Variants in STX12 observed in about 807,000 individuals in gnomAD.
STX12 encodes syntaxin 12.
In STX12, 17 loss-of-function variants were observed where a neutral mutation model predicts 42.2. The observed-to-expected ratio is 0.40, with a 90% CI of 0.28 to 0.60. The LOEUF (loss-of-function observed/expected upper bound fraction) is 0.60. Among genes scored for constraint, STX12 ranks in the 20% least tolerant of loss-of-function variants. The pLI, the probability that STX12 is intolerant of heterozygous loss-of-function variation, is 0.39. For missense variants in STX12, 297 were observed against 330.9 expected, an observed-to-expected ratio of 0.90 and a Z score of 0.79; for synonymous variants, 108 against 116.7, an observed-to-expected ratio of 0.93 and a Z score of 0.48.
At chr1:27,816,557 G>A (rs962377083) in intron 6 of STX12, among the ~76,000 whole-genome samples, 1 of 145,462 alleles carries the variant, frequency 6.9e-6, no homozygotes, top group African/African-American at 2.5e-5. Flanking sequence ...TGTAATCCCA[G>A]CATTTTGGGA....
intron 2 of STX12, 149 bp from the exon 3 acceptor site, chr1:27,793,384 A>AT (rs1306839264): frequency 1.3e-5 from 8 of 619,100 alleles, no homozygotes; most frequent in Non-Finnish European, 2.3e-5. Context: ...TATTTCTGGA[A>AT]TTTTGTTGTG....
intron 3 of STX12, among the ~76,000 whole-genome samples, chr1:27,798,741 A>G (rs2088805223): frequency 7.1e-6 from 1 of 141,664 alleles, no homozygotes; most frequent in African/African-American, 2.6e-5. Flanking sequence ...AACTCGTGCC[A>G]CTGCACTCCA....
chr1:27,776,223 A>G (rs1409773885), intron 1 of STX12, among the ~76,000 whole-genome samples: 1 of 152,182 alleles, frequency 6.6e-6, no homozygotes, highest in East Asian at 1.9e-4. Flanking sequence ...ACTGTGTTCC[A>G]GGCAGTATGA....
At chr1:27,817,977 C>A in intron 7 of STX12, 54 bp downstream of exon 7, 1 of 1,475,226 alleles carries the variant, frequency 6.8e-7, no homozygotes, top group Non-Finnish European at 9.5e-7. Context: ...ATTTGGCATG[C>A]ATCTGTAATC....
intron 4 of STX12, among the ~76,000 whole-genome samples, chr1:27,807,052 C>CT (rs1483950805): frequency 5.3e-5 from 8 of 152,094 alleles, no homozygotes; most frequent in Admixed American, 2.6e-4. Context: ...CTACCATTGC[C>CT]TTTTTTTAAT....
At chr1:27,801,533 A>ATT in intron 3 of STX12, 145 bp from the exon 4 acceptor site, 1 of 895,910 alleles carries the variant, frequency 1.1e-6, no homozygotes, top group Non-Finnish European at 1.5e-6. Context: ...CAAAGAGCAA[A>ATT]TTTATTAATT....
intron 5 of STX12, 75 bp downstream of exon 5, chr1:27,810,364 T>A: frequency 1.4e-6 from 2 of 1,415,518 alleles, no homozygotes; most frequent in South Asian, 1.2e-5. Flanking sequence ...ATTTTAAAAA[T>A]CAATGAAAAA....
chr1:27,807,685 A>T (rs528117580), intron 4 of STX12, among the ~76,000 whole-genome samples: 1 of 152,196 alleles, frequency 6.6e-6, no homozygotes, highest in African/African-American at 2.4e-5. Flanking sequence ...TGATCCAGCA[A>T]TTCTACCCTA....
chr1:27,786,879 C>T (rs552537648), intron 1 of STX12, among the ~76,000 whole-genome samples: 1 of 152,274 alleles, frequency 6.6e-6, no homozygotes, highest in East Asian at 1.9e-4. Context: ...TTAGTTGTAT[C>T]CTGATTCCCA....
chr1:27,778,171 T>G (rs1291752416), intron 1 of STX12, among the ~76,000 whole-genome samples: 10 of 152,028 alleles, frequency 6.6e-5, no homozygotes. Flanking sequence ...AGATGTGGGG[T>G]TGGAATTGCT....
intron 7 of STX12, among the ~76,000 whole-genome samples, chr1:27,818,663 G>A (rs539645255): frequency 1.1e-4 from 17 of 149,574 alleles, no homozygotes; most frequent in Non-Finnish European, 2.2e-4. Flanking sequence ...GAGTTTTGCT[G>A]TTGTTGCCCA....
intron 1 of STX12, among the ~76,000 whole-genome samples, chr1:27,783,464 G>A (rs1187128993): frequency 6.6e-6 from 1 of 152,168 alleles, no homozygotes; most frequent in Non-Finnish European, 1.5e-5. Context: ...CTTCTGAGTA[G>A]CTGAGACTAT....
intron 4 of STX12, among the ~76,000 whole-genome samples, chr1:27,804,771 G>T (rs964928909): frequency 6.7e-6 from 1 of 148,682 alleles, no homozygotes; most frequent in African/African-American, 2.5e-5. Context: ...AGACCGCACC[G>T]CTGCACTCCA....
intron 1 of STX12, among the ~76,000 whole-genome samples, chr1:27,778,039 A>G (rs2148595937): frequency 6.6e-6 from 1 of 152,200 alleles, no homozygotes; most frequent in East Asian, 1.9e-4. Context: ...ACCCAAATAT[A>G]CCCTTAGAAT....
At chr1:27,797,560 T>C (rs562993050) in intron 3 of STX12, among the ~76,000 whole-genome samples, 38 of 152,326 alleles carry the variant, frequency 2.5e-4, no homozygotes, top group Middle Eastern at 6.8e-3. Flanking sequence ...TTTCACTGTA[T>C]GCTTTCTCCT....
intron 3 of STX12, among the ~76,000 whole-genome samples, chr1:27,798,832 T>C (rs570958492): frequency 6.8e-6 from 1 of 146,048 alleles, no homozygotes; most frequent in Non-Finnish European, 1.5e-5. Context: ...TACACATCTG[T>C]AGTCCCAGCT....
intron 2 of STX12, among the ~76,000 whole-genome samples, chr1:27,789,974 A>ATC (rs1180718092): frequency 6.6e-6 from 1 of 152,040 alleles, no homozygotes; most frequent in African/African-American, 2.4e-5. Flanking sequence ...ACTCCTCATG[A>ATC]TCTAGTCTAA....
At chr1:27,780,958 CAAA>C (rs879665386) in intron 1 of STX12, among the ~76,000 whole-genome samples, 1 of 138,118 alleles carries the variant, frequency 7.2e-6, no homozygotes. Flanking sequence ...GACCCTGTCT[CAAA>C]AAAAAAAAGG....
At chr1:27,795,423 A>T (rs569465828) in intron 3 of STX12, among the ~76,000 whole-genome samples, 114 of 152,020 alleles carry the variant, frequency 7.5e-4, no homozygotes, top group African/African-American at 2.7e-3. Flanking sequence ...CTCCTGCCTC[A>T]GCTTCCCAAG....
Sources: gnomAD v4.1 joint callset for allele counts (sites outside exome capture counted in the v4.1 genomes callset) on GRCh38, gnomAD v4.1.1 for gene constraint, MANE v1.5 for transcripts, NCBI Gene and HGNC (gene_info 2026-07-23, HGNC 2026-07-21) for gene names.